SLC9B1: variants seen among roughly 807,000 people sequenced by gnomAD.
SLC9B1 encodes the protein sodium/hydrogen exchanger 9B1.
SLC9B1 carries 32 observed loss-of-function variants against 51.7 expected under a neutral mutation model. The observed-to-expected ratio is 0.62, with a 90% CI of 0.47 to 0.83. SLC9B1 has a LOEUF of 0.83. Ranked by LOEUF, SLC9B1 falls within the 40% of genes least tolerant of loss-of-function variation. SLC9B1 has a pLI of 0.00. For synonymous variants in SLC9B1, 145 were observed against 212.7 expected (o/e 0.68, Z 2.77); for missense variants, 406 against 613.2 (o/e 0.66, Z 3.57).
At chr4:102,903,894 T>G (rs1734902491) in intron 11 of SLC9B1, among the ~76,000 whole-genome samples, 1 of 152,196 alleles carries the variant, frequency 6.6e-6, no homozygotes, top group Non-Finnish European at 1.5e-5. Context: ...ACTGTCCCTG[T>G]CCTTACGTAG....
intron 7 of SLC9B1, among the ~76,000 whole-genome samples, chr4:102,920,362 A>C (rs937190505): frequency 2.0e-5 from 3 of 152,216 alleles, no homozygotes; most frequent in African/African-American, 7.2e-5. Flanking sequence ...AATAGCATCA[A>C]CATTAACCAA....
chr4:102,899,409 A>G (rs1167547564), downstream of SLC9B1, among the ~76,000 whole-genome samples: 1 of 149,456 alleles, frequency 6.7e-6, no homozygotes, highest in East Asian at 1.9e-4. Flanking sequence ...ATATATATAT[A>G]TATTTTATTA....
intron 6 of SLC9B1, among the ~76,000 whole-genome samples, chr4:102,933,996 C>T (rs1193760360): frequency 6.6e-6 from 1 of 152,180 alleles, no homozygotes; most frequent in African/African-American, 2.4e-5. Context: ...GTCTTGAACT[C>T]CTGACTTCAA....
chr4:102,898,055 T>C (rs1162715717), downstream of SLC9B1: 4 of 459,160 alleles, frequency 8.7e-6, no homozygotes, highest in East Asian at 2.3e-4. Context: ...AGCCATGCCC[T>C]AGTCGTGCTG....
Position 102,935,143 on chromosome 4 carries a change from T to C in SLC9B1, c.654-2844A>G, listed in dbSNP as rs953533353. Among the ~76,000 whole-genome samples, 6 of 151,998 alleles carry C rather than the reference T, an allele frequency of 3.9e-5. 1 individual carries two copies. Among genetic ancestry groups the C allele is most frequent in the African/African-American group, 1.5e-4 (6 of 41,378 alleles). On this transcript the variant is annotated intron_variant, in intron 6 of 11. Transcript: ENST00000296422. ...AAATACATATAACAGATATAATTAA[T>C]AAAGAAGTTGAAGACTCAACAAAAA...
intron 3 of SLC9B1, among the ~76,000 whole-genome samples, chr4:102,965,203 T>A (rs1450054374): frequency 6.6e-6 from 1 of 152,066 alleles, no homozygotes; most frequent in East Asian, 1.9e-4. Flanking sequence ...TTTATGTTGT[T>A]ATAATAGAAT....
intron 6 of SLC9B1, among the ~76,000 whole-genome samples, chr4:102,943,080 C>T (rs560585991): frequency 5.0e-4 from 75 of 151,426 alleles, no homozygotes; most frequent in African/African-American, 1.7e-3. Flanking sequence ...AAAAAATCCT[C>T]AATATCACTA....
downstream of SLC9B1, among the ~76,000 whole-genome samples, chr4:102,899,603 G>A (rs560977325): frequency 3.3e-5 from 5 of 151,766 alleles, no homozygotes; most frequent in South Asian, 2.1e-4. Flanking sequence ...TAGTAGAGAC[G>A]GGGTTTCACC....
At chr4:102,937,629 G>A (rs1736789366) in intron 6 of SLC9B1, among the ~76,000 whole-genome samples, 1 of 147,254 alleles carries the variant, frequency 6.8e-6, no homozygotes, top group African/African-American at 2.5e-5. Context: ...GGAGGCTGAG[G>A]CAGGAGAATC....
intron 1 of SLC9B1, among the ~76,000 whole-genome samples, chr4:103,014,302 T>G (rs1741215342): frequency 6.6e-6 from 1 of 152,240 alleles, no homozygotes; most frequent in South Asian, 2.1e-4. Flanking sequence ...AGAAGTCATT[T>G]CTTCCAGAAG....
intron 3 of SLC9B1, among the ~76,000 whole-genome samples, chr4:102,971,572 A>T (rs1394431252): frequency 6.6e-6 from 1 of 152,232 alleles, no homozygotes; most frequent in Non-Finnish European, 1.5e-5. Context: ...CATCACAATG[A>T]AAAGAACTAG....
chr4:102,987,516 T>C (rs1302106775), intron 3 of SLC9B1, among the ~76,000 whole-genome samples: 6 of 151,934 alleles, frequency 3.9e-5, no homozygotes, highest in African/African-American at 1.4e-4. Flanking sequence ...CAGATCTAAG[T>C]TGGTTAGGCT....
chr4:102,961,760 T>C (rs1442305397), intron 3 of SLC9B1, among the ~76,000 whole-genome samples: 1 of 152,262 alleles, frequency 6.6e-6, no homozygotes, highest in Non-Finnish European at 1.5e-5. Flanking sequence ...CTGGGATACA[T>C]GTGCAGAACG....
intron 3 of SLC9B1, among the ~76,000 whole-genome samples, chr4:102,950,708 A>C (rs910635915): frequency 6.6e-6 from 1 of 152,138 alleles, no homozygotes; most frequent in Non-Finnish European, 1.5e-5. Context: ...AAAAGAATGG[A>C]CCAGGCTGGG....
At chr4:102,964,196 A>C (rs1738298475) in intron 3 of SLC9B1, among the ~76,000 whole-genome samples, 1 of 152,040 alleles carries the variant, frequency 6.6e-6, no homozygotes. Context: ...TCGACAACTT[A>C]GATAAAATAG....
intron 1 of SLC9B1, among the ~76,000 whole-genome samples, chr4:102,996,121 A>T: frequency 6.6e-6 from 1 of 152,142 alleles, no homozygotes; most frequent in East Asian, 1.9e-4. Flanking sequence ...GTGACATTGC[A>T]TTATGAATTT....
At chr4:102,946,918 G>A in intron 4 of SLC9B1, 129 bp from the exon 5 acceptor site, 1 of 705,156 alleles carries the variant, frequency 1.4e-6, no homozygotes, top group African/African-American at 1.9e-5. Context: ...CAAGCAAGTA[G>A]AGAAGGCAGC....
At chr4:102,955,887 A>AAGAAAGAG (rs1737777016) in intron 3 of SLC9B1, among the ~76,000 whole-genome samples, 1 of 144,420 alleles carries the variant, frequency 6.9e-6, no homozygotes, top group African/African-American at 2.8e-5. Context: ...GAAAGAAAGA[A>AAGAAAGAG]AGAAAGAAAG....
chr4:102,991,647 G>A lies in SLC9B1; in HGVS notation c.65C>T (p.Pro22Leu), dbSNP rs1398963576. Residue 22 changes from proline to leucine, a missense_variant, in exon 2 of 12, where the codon CCT becomes CTT. By Grantham distance (98) the Pro-to-Leu change is moderately conservative. This residue lies in a region of SLC9B1 where 108 missense variants were observed against 94.5 expected (regional missense o/e 1.14). Coordinates refer to ENST00000296422, the MANE Select transcript of SLC9B1 (RefSeq NM_139173.4). ...EDENFQTSTTPQSLIDPNNTA... is the reference protein window; with the variant it reads ...EDENFQTSTTLQSLIDPNNTA... ...AGTATACTTTTAAGTTTTTACCTGAGGAGTTGTAGATGTTTGGAAGTTTTC... is the reference window on the plus strand; with the variant it reads ...AGTATACTTTTAAGTTTTTACCTGAAGAGTTGTAGATGTTTGGAAGTTTTC... The A allele has an allele frequency of 2.5e-6, 4 of 1,579,562 alleles. No homozygotes were observed. The highest frequency in any genetic ancestry group is 1.7e-6 in the Non-Finnish European group (2 of 1,160,144).
Sources: gnomAD v4.1 joint callset for allele counts (sites outside exome capture counted in the v4.1 genomes callset) on GRCh38, gnomAD v4.1.1 for gene constraint, gnomAD v4.1.1 regional missense constraint, MANE v1.5 for transcripts, NCBI Gene and HGNC (gene_info 2026-07-23, HGNC 2026-07-21) for gene names.